Variants in LRMDA observed in about 807,000 individuals in gnomAD.
LRMDA encodes the protein leucine rich melanocyte differentiation associated, also known as leucine-rich melanocyte differentiation-associated protein.
Under a neutral mutation model 29.8 loss-of-function variants are expected in LRMDA, and 18 were observed. The observed-to-expected ratio is 0.60, with a 90% CI of 0.42 to 0.90. The LOEUF is 0.90. Ranked by LOEUF, LRMDA falls within the 40% of genes least tolerant of loss-of-function variation. LRMDA has a pLI of 0.00. For missense variants in LRMDA, 273 were observed against 273.9 expected (o/e 1.00, Z 0.02); for synonymous variants, 125 against 109.4 (o/e 1.14, Z -0.89).
At chr10:76,204,595 T>C (rs1168287160) in intron 5 of LRMDA, among the ~76,000 whole-genome samples, 1 of 152,212 alleles carries the variant, frequency 6.6e-6, no homozygotes, top group African/African-American at 2.4e-5. Context: ...TGTCCTCAGA[T>C]GGTATAGGGG....
At chr10:75,557,134 C>T (rs1346840607) in intron 2 of LRMDA, among the ~76,000 whole-genome samples, 6 of 151,550 alleles carry the variant, frequency 4.0e-5, no homozygotes, top group African/African-American at 9.7e-5. Flanking sequence ...GACAACATGG[C>T]GAAACCCTGT....
At chr10:75,858,776 T>G (rs1844870065) in intron 2 of LRMDA, among the ~76,000 whole-genome samples, 1 of 152,198 alleles carries the variant, frequency 6.6e-6, no homozygotes, top group Non-Finnish European at 1.5e-5. Context: ...AAAATTAAAT[T>G]TTAACTACAC....
intron 2 of LRMDA, among the ~76,000 whole-genome samples, chr10:75,580,701 G>A (rs1840578465): frequency 6.6e-6 from 1 of 152,132 alleles, no homozygotes; most frequent in South Asian, 2.1e-4. Flanking sequence ...AAACAGCATG[G>A]TACTGGTACC....
chr10:75,540,272 G>C (rs1441446447), intron 2 of LRMDA, among the ~76,000 whole-genome samples: 1 of 152,204 alleles, frequency 6.6e-6, no homozygotes, highest in African/African-American at 2.4e-5. Context: ...ACCTGGCAGA[G>C]GGAACAGCAA....
chr10:76,340,515 C>CAAAAAAAAAA (rs1174024731), intron 6 of LRMDA, among the ~76,000 whole-genome samples: 5 of 75,748 alleles, frequency 6.6e-5, no homozygotes, highest in East Asian at 3.5e-4. Context: ...GAACCTGTAT[C>CAAAAAAAAAA]AAAAAAAAAA....
rs1165738633 is a variant in LRMDA, at chr10:76,378,974, A to C, written c.601+54489A>C. 5.4e-5 allele frequency among the ~76,000 whole-genome samples: 8 copies of C among 147,366 alleles called. No homozygotes were observed. The South Asian group carries it at 6.3e-4, about 12-fold the overall frequency. ...CCGGTTCAAACAATTCTTCTGCCTC[A>C]GTCTCCCGGGTAGCTGGTATTACAG... is the stretch of plus-strand genomic sequence containing the variant. On this transcript the variant is annotated intron_variant, in intron 6 of 6. Coordinates refer to ENST00000611255, the MANE Select transcript of LRMDA (RefSeq NM_001305581.2).
chr10:76,351,396 A>T (rs1841174849), intron 6 of LRMDA, among the ~76,000 whole-genome samples: 1 of 152,164 alleles, frequency 6.6e-6, no homozygotes, highest in African/African-American at 2.4e-5. Context: ...TAACATGGAG[A>T]CTGTGTAAAT....
chr10:75,996,255 A>G (rs1449700080), intron 2 of LRMDA, among the ~76,000 whole-genome samples: 1 of 152,104 alleles, frequency 6.6e-6, no homozygotes, highest in Non-Finnish European at 1.5e-5. Flanking sequence ...CATCCCTGGG[A>G]CTCACTCTGA....
At chr10:76,432,400 T>C (rs1183228424) in intron 6 of LRMDA, among the ~76,000 whole-genome samples, 1 of 152,162 alleles carries the variant, frequency 6.6e-6, no homozygotes, top group Non-Finnish European at 1.5e-5. Context: ...CTGTCTCCCA[T>C]GCCTCACCCA....
intron 5 of LRMDA, among the ~76,000 whole-genome samples, chr10:76,111,753 T>C (rs1230728630): frequency 6.6e-6 from 1 of 152,122 alleles, no homozygotes; most frequent in Non-Finnish European, 1.5e-5. Context: ...CCTCCAACCA[T>C]GCTTCAGCTT....
At chr10:76,024,611 C>A (rs374164596) in intron 2 of LRMDA, among the ~76,000 whole-genome samples, 1 of 152,192 alleles carries the variant, frequency 6.6e-6, no homozygotes, top group Non-Finnish European at 1.5e-5. Context: ...ACAGTTGGCA[C>A]GTTTTTACTG....
chr10:75,471,223 G>T (rs1455771877), intron 2 of LRMDA, among the ~76,000 whole-genome samples: 1 of 151,928 alleles, frequency 6.6e-6, no homozygotes. Context: ...CGGGGGGGTG[G>T]GGTGTGAGTG....
intron 2 of LRMDA, among the ~76,000 whole-genome samples, chr10:75,455,438 G>T (rs1844504286): frequency 6.6e-6 from 1 of 152,222 alleles, no homozygotes; most frequent in South Asian, 2.1e-4. Flanking sequence ...TGGAGATAAG[G>T]CTAATACAGG....
intron 2 of LRMDA, among the ~76,000 whole-genome samples, chr10:75,779,495 A>G (rs1843353429): frequency 6.6e-6 from 1 of 152,208 alleles, no homozygotes; most frequent in African/African-American, 2.4e-5. Flanking sequence ...GCAGAAATTG[A>G]AGCCAAATAA....
chr10:76,082,714 G>A (rs1849067490), intron 5 of LRMDA, among the ~76,000 whole-genome samples: 1 of 152,102 alleles, frequency 6.6e-6, no homozygotes, highest in South Asian at 2.1e-4. Flanking sequence ...TGGGATGTGG[G>A]GTTATAGGAA....
At position 75,753,119 on chromosome 10, in the gene LRMDA, G is replaced by A. The variant is rs1406719100; in HGVS notation, c.132-282889G>A. 2.0e-5 allele frequency among the ~76,000 whole-genome samples: 3 copies of A among 152,076 alleles called. No homozygotes were observed. In the East Asian group the frequency reaches 5.8e-4, roughly 29 times the overall value. ...CTCCATATGTAAAATGGGTGTTGTT[G>A]CAAGTTAGATAATCTGAAGGTACCC... On this transcript the variant is annotated intron_variant, in intron 2 of 6. Coordinates refer to ENST00000611255, the MANE Select transcript of LRMDA (RefSeq NM_001305581.2).
intron 6 of LRMDA, among the ~76,000 whole-genome samples, chr10:76,474,136 C>T (rs1050891496): frequency 1.3e-5 from 2 of 151,586 alleles, no homozygotes; most frequent in African/African-American, 2.4e-5. Flanking sequence ...CAACAAATGG[C>T]GCTCAGGTAA....
chr10:76,101,112 A>G (rs1365034854), intron 5 of LRMDA, among the ~76,000 whole-genome samples: 1 of 152,068 alleles, frequency 6.6e-6, no homozygotes, highest in Non-Finnish European at 1.5e-5. Context: ...CATGAGTGAT[A>G]TTCTCTCCAG....
chr10:75,728,417 T>C (rs921641721), intron 2 of LRMDA, among the ~76,000 whole-genome samples: 1 of 148,664 alleles, frequency 6.7e-6, no homozygotes, highest in Non-Finnish European at 1.5e-5. Flanking sequence ...CTGTGCTTGA[T>C]ACGTGGCTCT....
Sources: allele counts gnomAD v4.1 joint callset (sites outside exome capture counted in the v4.1 genomes callset), GRCh38; gene constraint gnomAD v4.1.1; transcripts MANE v1.5; gene names NCBI Gene and HGNC (gene_info 2026-07-23, HGNC 2026-07-21).